CACNA1B: variants seen among roughly 807,000 people sequenced by gnomAD.
The protein encoded by CACNA1B is voltage-dependent N-type calcium channel subunit alpha-1B.
CACNA1B carries 70 observed loss-of-function variants against 247.2 expected under a neutral mutation model. That is an observed-to-expected ratio of 0.28 (90% CI 0.23 to 0.35). CACNA1B has a LOEUF of 0.35. Among genes scored for constraint, CACNA1B ranks in the 10% least tolerant of loss-of-function variants. The pLI, the probability that CACNA1B is intolerant of heterozygous loss-of-function variation, is 1.00. For synonymous variants in CACNA1B, 1,231 were observed against 1,294.4 expected (o/e 0.95, Z 1.05); for missense variants, 2,367 against 3,197.4 (o/e 0.74, Z 6.26).
rs532351677 is a variant in CACNA1B, at chr9:137,881,383, C to T, written c.391-1361C>T. ...GGCTGAGTAAGGTGGGAGTCAGATG[C>T]GGAGAGCCCTCGAGAGCCTGGCTTC... On this transcript the variant is annotated intron_variant, in intron 2 of 46. Coordinates refer to ENST00000371372, the MANE Select transcript of CACNA1B (RefSeq NM_000718.4). The surrounding 1 kb of genome is among the most constrained non-coding windows in gnomAD (Gnocchi z 4.3). Among the ~76,000 whole-genome samples the T allele has an allele frequency of 1.8e-4, 28 of 152,240 alleles. No homozygotes were observed. The highest frequency in any genetic ancestry group is 5.1e-4 in the African/African-American group (21 of 41,562).
chr9:137,933,089 C>G (rs7045820), intron 6 of CACNA1B, among the ~76,000 whole-genome samples: 1 of 151,932 alleles, frequency 6.6e-6, no homozygotes, highest in East Asian at 1.9e-4. Flanking sequence ...CGTGCCACCA[C>G]GCCCGGCTAG....
At chr9:138,013,094 T>A (rs1326807453) in intron 17 of CACNA1B, 35 bp from the exon 18 acceptor site, 1 of 1,508,386 alleles carries the variant, frequency 6.6e-7, no homozygotes, top group African/African-American at 1.4e-5. Context: ...TATAACACTG[T>A]GAGGGGAACT....
Position 138,122,919 on chromosome 9 carries a change from T to C in CACNA1B, c.*920T>C, listed in dbSNP as rs2131377104. On this transcript the variant is annotated 3_prime_UTR_variant, in exon 47 of 47. Transcript: ENST00000371372. ...AGGATGCTGTGAAAAGTACTCGCGA[T>C]GGCAGCCAGGTAGCAAGCCCTTGCC... 6.6e-6 allele frequency: 1 copy of C among 152,364 alleles called. No homozygotes were observed. The allele number at this position is 152,364 out of a possible 1,614,324, so 9.4% of individuals were successfully genotyped here. A position where few individuals can be genotyped will look rare whatever the true frequency, so the allele number is the denominator to read the frequency against.
At chr9:137,924,695 T>TTA (rs1353544077) in intron 6 of CACNA1B, among the ~76,000 whole-genome samples, 1 of 152,254 alleles carries the variant, frequency 6.6e-6, no homozygotes, top group Non-Finnish European at 1.5e-5. Context: ...ATTTAGATCA[T>TTA]GTTTGATTTC....
Position 137,957,234 on chromosome 9 carries a change from G to A in CACNA1B, c.1244-364G>A, listed in dbSNP as rs563785868. Among the ~76,000 whole-genome samples, 12 of 152,362 alleles carry A rather than the reference G, an allele frequency of 7.9e-5. No individual in the cohort carries two copies. Among genetic ancestry groups the A allele is most frequent in the Admixed American group, 3.9e-4 (6 of 15,310 alleles). The stretch of plus-strand genomic sequence containing the variant: ...AGGGCCAGACAGCATGGGCACTTCC[G>A]TGGCAATCTCAGCCGGCCCCATGCC... On this transcript the variant is annotated intron_variant, in intron 9 of 46. Coordinates refer to ENST00000371372, the MANE Select transcript of CACNA1B (RefSeq NM_000718.4). This position sits in a 1 kb window ranked among gnomAD's most constrained non-coding sequence, Gnocchi z 4.7.
chr9:138,117,759 C>T (rs928962916), intron 42 of CACNA1B, among the ~76,000 whole-genome samples, 187 bp from the exon 43 acceptor site: 25 of 152,126 alleles, frequency 1.6e-4, no homozygotes, highest in African/African-American at 4.8e-4. Context: ...CTGGGTCCAG[C>T]GTGCACAGGC....
chr9:137,969,961 A>C (rs576349655), intron 10 of CACNA1B, among the ~76,000 whole-genome samples: 1 of 152,244 alleles, frequency 6.6e-6, no homozygotes, highest in African/African-American at 2.4e-5. Context: ...GGGTGTGCAC[A>C]TGTACACACA....
chr9:137,963,193 G>A (rs977660650), intron 10 of CACNA1B, among the ~76,000 whole-genome samples: 2 of 152,014 alleles, frequency 1.3e-5, no homozygotes. Flanking sequence ...TCAGAAACTA[G>A]GATTGCAACC....
chr9:138,110,797 G>T (rs1376669230), intron 39 of CACNA1B, among the ~76,000 whole-genome samples: 2 of 152,034 alleles, frequency 1.3e-5, no homozygotes, highest in African/African-American at 4.8e-5. Flanking sequence ...TGCTAAACAC[G>T]TATCTGCTAT....
chr9:137,882,211 G>A lies in CACNA1B; in HGVS notation c.391-533G>A, dbSNP rs1177112983. On this transcript the variant is annotated intron_variant, in intron 2 of 46. Transcript: ENST00000371372. This position sits in a 1 kb window ranked among gnomAD's most constrained non-coding sequence, Gnocchi z 4.0. ...CTGAGCTGTATCCAGGCAACCTTGTGCAGGTTCCCACCCAGAGGCTGCTGT... is the reference window on the plus strand; with the variant it reads ...CTGAGCTGTATCCAGGCAACCTTGTACAGGTTCCCACCCAGAGGCTGCTGT... Among the ~76,000 whole-genome samples, 1 of 152,238 alleles carries A rather than the reference G, an allele frequency of 6.6e-6. No individual in the cohort carries two copies. Among genetic ancestry groups the A allele is most frequent in the African/African-American group, 2.4e-5 (1 of 41,468 alleles).
intron 39 of CACNA1B, among the ~76,000 whole-genome samples, chr9:138,110,041 G>T (rs373799736): frequency 6.6e-6 from 1 of 151,958 alleles, no homozygotes; most frequent in Non-Finnish European, 1.5e-5. Context: ...GTGACAGACC[G>T]AGATTCCATC....
intron 5 of CACNA1B, among the ~76,000 whole-genome samples, chr9:137,915,864 A>G (rs1957404310): frequency 6.6e-6 from 1 of 151,906 alleles, no homozygotes; most frequent in Non-Finnish European, 1.5e-5. Context: ...GATGAAACTC[A>G]TTATTCTTAG....
At chr9:137,901,357 G>A (rs1588992752) in intron 3 of CACNA1B, among the ~76,000 whole-genome samples, 2 of 151,686 alleles carry the variant, frequency 1.3e-5, no homozygotes, top group East Asian at 3.9e-4. Context: ...CCGTGTGTCT[G>A]TGTCTATGCC....
intron 32 of CACNA1B, 22 bp downstream of exon 32, chr9:138,069,785 G>T (rs200931779): frequency 2.5e-6 from 4 of 1,606,184 alleles, no homozygotes; most frequent in Non-Finnish European, 3.4e-6. Context: ...GACTCTGAAC[G>T]GTTCTTGCAA....
At chr9:138,112,357 A>T in intron 39 of CACNA1B, 41 bp from the exon 40 acceptor site, 1 of 1,475,752 alleles carries the variant, frequency 6.8e-7, no homozygotes, top group Non-Finnish European at 9.5e-7. Context: ...TGCTCCTAAC[A>T]TCTCTGTCTT....
At chr9:137,938,684 G>T (rs1319985581) in intron 6 of CACNA1B, among the ~76,000 whole-genome samples, 1 of 152,080 alleles carries the variant, frequency 6.6e-6, no homozygotes, top group East Asian at 1.9e-4. Context: ...ATGATAAAAG[G>T]CCTTGTACAA....
At position 138,115,583 on chromosome 9, in the gene CACNA1B, A is replaced by G; in HGVS notation, c.5681A>G (p.Lys1894Arg). The G allele has an allele frequency of 6.2e-7, 1 of 1,613,602 alleles. No individual in the cohort carries two copies. Among genetic ancestry groups the G allele is most frequent in the Non-Finnish European group, 8.5e-7 (1 of 1,179,814 alleles). ...MGPVSLFHPL[K>R]ATLEQTQPAV... ...CCTGTGTCCCTGTTCCACCCTCTGA[A>G]GGCCACCCTGGAGCAGACACAGCCG... The change falls in exon 42 of 47, where the codon AAG (lysine) becomes AGG (arginine). Residue 1894 changes from lysine (K) to arginine (R), a missense_variant. Lys to Arg is a conservative substitution (Grantham distance 26). Around this residue, in one of 12 missense-constraint regions of CACNA1B, gnomAD observed 773 missense variants for 779.4 expected, o/e 0.99. Transcript: ENST00000371372.
At chr9:137,894,902 G>A (rs1432748306) in intron 3 of CACNA1B, among the ~76,000 whole-genome samples, 5 of 152,132 alleles carry the variant, frequency 3.3e-5, no homozygotes, top group Admixed American at 6.5e-5. Flanking sequence ...CAATTTGTCC[G>A]TTTTTCCTTT....
chr9:138,080,569 C>T (rs930016721), intron 36 of CACNA1B, among the ~76,000 whole-genome samples: 1 of 152,050 alleles, frequency 6.6e-6, no homozygotes, highest in South Asian at 2.1e-4. Flanking sequence ...GGGCAGGCAG[C>T]GGTCGTCCCA....
Sources: allele counts gnomAD v4.1 joint callset (sites outside exome capture counted in the v4.1 genomes callset), GRCh38; gene constraint gnomAD v4.1.1; regional missense constraint gnomAD v4.1.1; non-coding constraint Gnocchi (gnomAD v3.1); transcripts MANE v1.5; gene names NCBI Gene and HGNC (gene_info 2026-07-23, HGNC 2026-07-21).